The following FGF12 variants were observed in gnomAD, a reference collection of about 807,000 sequenced individuals.
FGF12 encodes the protein fibroblast growth factor 12.
FGF12 carries 14 observed loss-of-function variants against 23.6 expected under a neutral mutation model. The observed-to-expected ratio is 0.59, with a 90% CI of 0.39 to 0.93. The LOEUF is 0.93. Ranked by LOEUF, FGF12 falls within the 40% of genes least tolerant of loss-of-function variation. FGF12 has a pLI of 0.00. For synonymous variants in FGF12, 62 were observed against 77.3 expected, an observed-to-expected ratio of 0.80 and a Z score of 1.04; for missense variants, 175 against 217.8, an observed-to-expected ratio of 0.80 and a Z score of 1.24.
At position 192,535,581 on chromosome 3, in the gene FGF12, C is replaced by G. The variant is rs567291172; in HGVS notation, c.14-175043G>C. On this transcript the variant is annotated intron_variant, in intron 2 of 5. Transcript: ENST00000445105. ...GCTGCAGTCTGAGGTATAGAAATGGCCAAGAGACTTTTTCAGAGAACAAGG... is the reference window on the plus strand; with the variant it reads ...GCTGCAGTCTGAGGTATAGAAATGGGCAAGAGACTTTTTCAGAGAACAAGG... Among the ~76,000 whole-genome samples the G allele has an allele frequency of 6.0e-4, 92 of 152,188 alleles. 1 individual carries two copies. The highest frequency in any genetic ancestry group is 2.0e-3 in the African/African-American group (84 of 41,524).
At chr3:192,528,809 G>A (rs1372874525) in intron 2 of FGF12, among the ~76,000 whole-genome samples, 4 of 152,182 alleles carry the variant, frequency 2.6e-5, no homozygotes, top group East Asian at 3.9e-4. Context: ...ACCCTCTGAA[G>A]TCATGGCCAG....
chr3:192,367,310 G>A (rs1336105709), intron 2 of FGF12, among the ~76,000 whole-genome samples: 2 of 152,136 alleles, frequency 1.3e-5, no homozygotes, highest in Admixed American at 1.3e-4. Context: ...CAGCCTCTTT[G>A]GGTTTACAAA....
chr3:192,579,300 A>G (rs890794742), intron 2 of FGF12, among the ~76,000 whole-genome samples: 4 of 152,190 alleles, frequency 2.6e-5, no homozygotes, highest in African/African-American at 4.8e-5. Context: ...TTACAGCACT[A>G]TGAAAAGCAA....
At chr3:192,541,923 A>G (rs1261951098) in intron 2 of FGF12, among the ~76,000 whole-genome samples, 1 of 149,766 alleles carries the variant, frequency 6.7e-6, no homozygotes, top group Non-Finnish European at 1.5e-5. Context: ...TACGTTATTC[A>G]TTTCTTTTCT....
intron 2 of FGF12, among the ~76,000 whole-genome samples, chr3:192,666,508 T>C (rs1716877845): frequency 6.6e-6 from 1 of 152,192 alleles, no homozygotes; most frequent in African/African-American, 2.4e-5. Context: ...AAATATACTA[T>C]AAACAAGTGC....
chr3:192,717,241 T>C (rs1176184937), intron 2 of FGF12, among the ~76,000 whole-genome samples: 1 of 152,198 alleles, frequency 6.6e-6, no homozygotes. Context: ...GTTAAGCTCA[T>C]AGACTCTGAA....
chr3:192,414,022 T>C (rs1027910346), intron 2 of FGF12, among the ~76,000 whole-genome samples: 2 of 152,180 alleles, frequency 1.3e-5, no homozygotes, highest in Non-Finnish European at 2.9e-5. Context: ...ATTCGACAAC[T>C]GAATTACTAC....
At chr3:192,688,733 A>G (rs1717846820) in intron 2 of FGF12, among the ~76,000 whole-genome samples, 1 of 152,200 alleles carries the variant, frequency 6.6e-6, no homozygotes, top group Admixed American at 6.5e-5. Flanking sequence ...CATTTTCACC[A>G]ATGGATATTT....
intron 3 of FGF12, among the ~76,000 whole-genome samples, chr3:192,345,214 T>C (rs1399019340): frequency 6.6e-6 from 1 of 152,178 alleles, no homozygotes; most frequent in Non-Finnish European, 1.5e-5. Flanking sequence ...GCCATCATAG[T>C]AGTTAAAGTC....
At chr3:192,444,174 C>T (rs149040890) in intron 2 of FGF12, among the ~76,000 whole-genome samples, 20 of 152,334 alleles carry the variant, frequency 1.3e-4, no homozygotes, top group Non-Finnish European at 2.6e-4. Flanking sequence ...CTAAAACCAA[C>T]GCCCAGCCTG....
chr3:192,261,574 A>G (rs1183153595), intron 4 of FGF12, among the ~76,000 whole-genome samples: 1 of 152,190 alleles, frequency 6.6e-6, no homozygotes, highest in Non-Finnish European at 1.5e-5. Context: ...AGAGCTGTGG[A>G]GATGTCATGG....
intron 2 of FGF12, among the ~76,000 whole-genome samples, chr3:192,705,089 T>C (rs553211323): frequency 1.3e-5 from 2 of 152,368 alleles, no homozygotes; most frequent in South Asian, 4.1e-4. Context: ...TTCATTTCCT[T>C]ATCCTTCCTG....
At chr3:192,491,876 T>C (rs1456463774) in intron 2 of FGF12, among the ~76,000 whole-genome samples, 1 of 152,102 alleles carries the variant, frequency 6.6e-6, no homozygotes, top group African/African-American at 2.4e-5. Context: ...ATGAATTTAC[T>C]AAAATGAAAA....
In FGF12 at chr3:192,170,490, G is replaced by T; in HGVS notation, c.395C>A (p.Pro132His). The change falls in exon 5 of 6, where the codon CCC becomes CAC. Residue 132 changes from proline (P) to histidine (H), a missense_variant. Pro to His is a moderately conservative substitution (Grantham distance 77, BLOSUM62 -2). Transcript: ENST00000445105. ...MKGNRVKKTKPSSHFVPKPIE... is the reference protein window; with the variant it reads ...MKGNRVKKTKHSSHFVPKPIE... ...AGGTTTCGGTACAAAATGTGATGAG[G>T]GCTTGGTTTTCTTCACTCTGTTCCC... 6.2e-7 allele frequency: 1 copy of T among 1,613,882 alleles called. No homozygotes were observed.
chr3:192,272,907 T>C (rs1344302827), intron 4 of FGF12, among the ~76,000 whole-genome samples: 1 of 152,216 alleles, frequency 6.6e-6, no homozygotes, highest in African/African-American at 2.4e-5. Flanking sequence ...ATCCTTCCAG[T>C]TTCAGAAGAA....
intron 2 of FGF12, among the ~76,000 whole-genome samples, chr3:192,430,132 T>C (rs186680762): frequency 6.6e-5 from 10 of 152,116 alleles, no homozygotes; most frequent in African/African-American, 2.2e-4. Flanking sequence ...TCAATGTCCA[T>C]TGATGGAAAA....
intron 2 of FGF12, among the ~76,000 whole-genome samples, chr3:192,604,492 C>A (rs1383744396): frequency 6.6e-6 from 1 of 152,138 alleles, no homozygotes; most frequent in Non-Finnish European, 1.5e-5. Context: ...AGGAATGCAT[C>A]CAATCAAGGA....
intron 4 of FGF12, among the ~76,000 whole-genome samples, chr3:192,328,621 A>G (rs1160194788): frequency 2.6e-5 from 4 of 152,170 alleles, no homozygotes; most frequent in Non-Finnish European, 5.9e-5. Flanking sequence ...CATGGTTTTC[A>G]GTGAGGTCTG....
chr3:192,709,772 C>T (rs1427721146), intron 2 of FGF12, among the ~76,000 whole-genome samples: 4 of 152,082 alleles, frequency 2.6e-5, no homozygotes, highest in East Asian at 1.9e-4. Context: ...TTTTGAAGAC[C>T]GACTTAATCA....
Sources: gnomAD v4.1 joint callset for allele counts (sites outside exome capture counted in the v4.1 genomes callset) on GRCh38, gnomAD v4.1.1 for gene constraint, MANE v1.5 for transcripts, NCBI Gene and HGNC (gene_info 2026-07-23, HGNC 2026-07-21) for gene names.